Variants in ZFAND4 observed in about 807,000 individuals in gnomAD.
ZFAND4 encodes zinc finger AN1-type containing 4, also known as AN1-type zinc finger protein 4.
Under a neutral mutation model 64.4 loss-of-function variants are expected in ZFAND4, and 43 were observed. That is an observed-to-expected ratio of 0.67 (90% CI 0.52 to 0.86). ZFAND4 has a LOEUF of 0.86. Ranked by LOEUF, ZFAND4 falls within the 40% of genes least tolerant of loss-of-function variation. The pLI is 0.00. For missense variants in ZFAND4, 929 were observed against 859.8 expected, an observed-to-expected ratio of 1.08 and a Z score of -1.01; for synonymous variants, 296 against 305.7, an observed-to-expected ratio of 0.97 and a Z score of 0.33.
At chr10:45,644,041 T>G (rs1057057063) in intron 5 of ZFAND4, among the ~76,000 whole-genome samples, 1 of 152,270 alleles carries the variant, frequency 6.6e-6, no homozygotes, top group South Asian at 2.1e-4. Flanking sequence ...TGGCTGCTTT[T>G]GCCTACAATG....
intron 6 of ZFAND4, among the ~76,000 whole-genome samples, chr10:45,629,021 C>G (rs1451917817): frequency 6.6e-6 from 1 of 151,372 alleles, no homozygotes; most frequent in African/African-American, 2.4e-5. Context: ...AAAAATAGAT[C>G]TAAGATATGG....
intron 2 of ZFAND4, among the ~76,000 whole-genome samples, chr10:45,653,585 T>C (rs2047903228): frequency 6.6e-6 from 1 of 152,168 alleles, no homozygotes; most frequent in Non-Finnish European, 1.5e-5. Flanking sequence ...ACATTACTAA[T>C]CATTAGACAA....
intron 8 of ZFAND4, among the ~76,000 whole-genome samples, chr10:45,623,888 A>T (rs1452369961): frequency 6.6e-6 from 1 of 152,244 alleles, no homozygotes; most frequent in East Asian, 1.9e-4. Context: ...AATGTCTTCA[A>T]TAAAAACATA....
At chr10:45,619,014 ATC>A (rs989046159) in intron 8 of ZFAND4, among the ~76,000 whole-genome samples, 3 of 152,050 alleles carry the variant, frequency 2.0e-5, no homozygotes, top group Non-Finnish European at 4.4e-5. Context: ...ATAAGAGCAC[ATC>A]TGTTATTATA....
At chr10:45,670,011 G>A (rs1169648679) in intron 1 of ZFAND4, among the ~76,000 whole-genome samples, 2 of 152,094 alleles carry the variant, frequency 1.3e-5, no homozygotes, top group African/African-American at 4.8e-5. Context: ...ATTTAACACA[G>A]TGTTGGAAGT....
chr10:45,672,614 G>T lies in ZFAND4; in HGVS notation c.-482C>A, dbSNP rs1379303693. ...CCACGACGGCCGGCGGCGGCAGCGC[G>T]GCTGGGCTCAGCGGCTCGCAGCCCG... On this transcript the variant is annotated 5_prime_UTR_variant, in exon 1 of 10. Transcript: ENST00000344646. The T allele has an allele frequency of 2.6e-5, 4 of 151,926 alleles. No individual in the cohort carries two copies. The highest frequency in any genetic ancestry group is 4.4e-5 in the Non-Finnish European group (3 of 68,014). The allele number at this position is 151,926 out of a possible 1,614,324, so 9.4% of individuals were successfully genotyped here.
At chr10:45,638,209 C>T (rs1269361643) in intron 6 of ZFAND4, among the ~76,000 whole-genome samples, 10 of 150,232 alleles carry the variant, frequency 6.7e-5, no homozygotes, top group Non-Finnish European at 1.2e-4. Flanking sequence ...ATTGGCCGGG[C>T]GCGGTGGCTC....
chr10:45,637,578 C>T (rs541630150), intron 6 of ZFAND4, among the ~76,000 whole-genome samples: 29 of 151,958 alleles, frequency 1.9e-4, no homozygotes, highest in African/African-American at 6.7e-4. Context: ...GGTGAAACCC[C>T]GTCTCTACTA....
intron 6 of ZFAND4, among the ~76,000 whole-genome samples, chr10:45,634,050 T>C (rs900141228): frequency 6.6e-6 from 1 of 152,256 alleles, no homozygotes; most frequent in Admixed American, 6.5e-5. Flanking sequence ...GTATGGTAAC[T>C]GTATCATAAT....
intron 6 of ZFAND4, among the ~76,000 whole-genome samples, chr10:45,629,484 A>T (rs190850224): frequency 6.6e-6 from 1 of 152,342 alleles, no homozygotes; most frequent in East Asian, 1.9e-4. Context: ...AGAAAGAAGC[A>T]GGAAAGGGAA....
At chr10:45,643,906 T>C (rs2047198206) in intron 5 of ZFAND4, among the ~76,000 whole-genome samples, 1 of 152,158 alleles carries the variant, frequency 6.6e-6, no homozygotes, top group Non-Finnish European at 1.5e-5. Context: ...TGAACTTTAA[T>C]TAGTTGAAAA....
chr10:45,625,496 G>GGA (rs968783078), intron 7 of ZFAND4, among the ~76,000 whole-genome samples: 5 of 150,092 alleles, frequency 3.3e-5, no homozygotes, highest in African/African-American at 7.3e-5. Flanking sequence ...AAAAAAAAAG[G>GGA]GAGAGAGAGA....
Position 45,626,557 on chromosome 10 carries a change from C to T in ZFAND4, c.1266G>A (p.Val422=). 3 of 1,614,148 alleles carry T rather than the reference C, an allele frequency of 1.9e-6. No individual in the cohort carries two copies. The highest frequency in any genetic ancestry group is 2.5e-6 in the Non-Finnish European group (3 of 1,180,044). ...CATTAGTGAGTAGCAACTCCAGATT[C>T]ACTTTGCACGCACCTTCTAAGCCGC... ...QSSGLEGACK[V]NLELLLTNAD... is the part of the protein sequence containing the mutation. The change falls in exon 7 of 10, where the codon GTG becomes GTA. Residue 422 remains valine (V), a synonymous_variant. Coordinates refer to ENST00000344646, the MANE Select transcript of ZFAND4 (RefSeq NM_174890.4).
At position 45,643,956 on chromosome 10, in the gene ZFAND4, ATAAAAT is replaced by A. The variant is rs1207855913; in HGVS notation, c.570-3999_570-3994del. Among the ~76,000 whole-genome samples, 9 of 152,358 alleles carry A rather than the reference ATAAAAT, an allele frequency of 5.9e-5. No individual in the cohort carries two copies. The Middle Eastern group carries it at 0.014, about 230-fold the overall frequency. On this transcript the variant is annotated intron_variant, in intron 5 of 9. Transcript: ENST00000344646. ...GTATTTCATAACAAATGAAAATTAA[ATAAAAT>A]TCAAATTTGTGTCCATAAATAAAGT...
intron 8 of ZFAND4, among the ~76,000 whole-genome samples, chr10:45,619,722 T>G (rs2045273009): frequency 6.6e-6 from 1 of 151,964 alleles, no homozygotes; most frequent in Non-Finnish European, 1.5e-5. Context: ...ACAACAGAGA[T>G]TAGGTAATTT....
intron 2 of ZFAND4, among the ~76,000 whole-genome samples, chr10:45,662,362 T>C (rs1052213938): frequency 6.6e-6 from 1 of 152,190 alleles, no homozygotes; most frequent in Non-Finnish European, 1.5e-5. Flanking sequence ...TAAACCCAAG[T>C]TGACTCTTCT....
rs182777872 is a variant in ZFAND4 at position 45,638,670 on chromosome 10, T to C, written c.717+1146A>G. Among the ~76,000 whole-genome samples, 20 of 152,260 alleles carry C rather than the reference T, an allele frequency of 1.3e-4. No homozygotes were observed. The East Asian group carries it at 3.7e-3, about 28-fold the overall frequency. On this transcript the variant is annotated intron_variant, in intron 6 of 9. Coordinates refer to ENST00000344646, the MANE Select transcript of ZFAND4 (RefSeq NM_174890.4). Reference sequence around the variant, plus strand: ...TATGAGAATATTCAAAGGAAGTTTATTGATAAAAGCCAAAAGCTAGAGACA... The same window carrying C: ...TATGAGAATATTCAAAGGAAGTTTACTGATAAAAGCCAAAAGCTAGAGACA...
chr10:45,622,516 C>A (rs1195139410), intron 8 of ZFAND4, among the ~76,000 whole-genome samples: 2 of 150,644 alleles, frequency 1.3e-5, no homozygotes, highest in Non-Finnish European at 3.0e-5. Flanking sequence ...TGTCAGGCAT[C>A]GGATTTCCTA....
intron 5 of ZFAND4, among the ~76,000 whole-genome samples, chr10:45,642,823 G>T (rs539987726): frequency 6.8e-6 from 1 of 147,288 alleles, no homozygotes; most frequent in African/African-American, 2.5e-5. Context: ...AATTTAATCC[G>T]AAATGACTTT....
Sources: gnomAD v4.1 joint callset for allele counts (sites outside exome capture counted in the v4.1 genomes callset) on GRCh38, gnomAD v4.1.1 for gene constraint, MANE v1.5 for transcripts, NCBI Gene and HGNC (gene_info 2026-07-23, HGNC 2026-07-21) for gene names.